FOXP2: variants seen among roughly 807,000 people sequenced by gnomAD.
The protein encoded by FOXP2 is forkhead box P2.
Under a neutral mutation model 115.8 loss-of-function variants are expected in FOXP2, and 12 were observed. That is an observed-to-expected ratio of 0.10 (90% CI 0.07 to 0.17). The LOEUF (loss-of-function observed/expected upper bound fraction) is 0.17, where lower values mean the gene tolerates loss of function less well. Ranked by LOEUF, FOXP2 falls within the 10% of genes least tolerant of loss-of-function variation. The probability of loss-of-function intolerance (pLI) is 1.00; values close to 1 mark genes in which losing one functional copy is unlikely to be tolerated. For missense variants in FOXP2, 629 were observed against 843.5 expected (o/e 0.75, Z 3.15); for synonymous variants, 328 against 297.7 (o/e 1.10, Z -1.05).
intron 3 of FOXP2, among the ~76,000 whole-genome samples, chr7:114,607,761 G>T (rs1048714949): frequency 2.0e-5 from 3 of 151,942 alleles, no homozygotes; most frequent in African/African-American, 7.3e-5. Flanking sequence ...TGTTTGGGAA[G>T]AAATCAAAAC....
chr7:114,232,044 A>G (rs1486649706), intron 1 of FOXP2, among the ~76,000 whole-genome samples: 1 of 152,214 alleles, frequency 6.6e-6, no homozygotes, highest in Non-Finnish European at 1.5e-5. Flanking sequence ...AAAAATGGGC[A>G]AAGGACTTGA....
At chr7:114,328,468 C>G (rs1305149005) in intron 2 of FOXP2, among the ~76,000 whole-genome samples, 1 of 151,666 alleles carries the variant, frequency 6.6e-6, no homozygotes, top group Non-Finnish European at 1.5e-5. Context: ...TTTCTCCTGA[C>G]CTCGTGATCC....
Position 114,691,589 on chromosome 7 carries a change from G to A in FOXP2, c.*1663G>A. The A allele has an allele frequency of 2.2e-6, 1 of 453,994 alleles. No homozygotes were observed. Among genetic ancestry groups the A allele is most frequent in the Non-Finnish European group, 4.4e-6 (1 of 226,744 alleles). 28.1% of individuals were successfully genotyped at this position (453,994 alleles called of 1,614,324 possible). On this transcript the variant is annotated 3_prime_UTR_variant, in exon 17 of 17. Coordinates refer to ENST00000350908, the MANE Select transcript of FOXP2 (RefSeq NM_014491.4). ...GTAGTTGAAAATAGCATAGTCAGAT[G>A]TTTGCTTAAAACCTAGAAACTTAAC... is the stretch of plus-strand genomic sequence containing the variant.
At chr7:114,568,313 A>G (rs1256762778) in intron 3 of FOXP2, among the ~76,000 whole-genome samples, 1 of 151,944 alleles carries the variant, frequency 6.6e-6, no homozygotes, top group Non-Finnish European at 1.5e-5. Context: ...TGGTTGATAA[A>G]AATAAGATAT....
chr7:114,197,500 G>T (rs1055088511), intron 1 of FOXP2, among the ~76,000 whole-genome samples: 74 of 152,108 alleles, frequency 4.9e-4, no homozygotes, highest in African/African-American at 1.8e-3. Context: ...TCACCCTCAT[G>T]ACCTCATCTA....
intron 2 of FOXP2, among the ~76,000 whole-genome samples, chr7:114,301,460 C>A (rs1796877857): frequency 6.6e-6 from 1 of 152,042 alleles, no homozygotes; most frequent in Non-Finnish European, 1.5e-5. Flanking sequence ...ATTGTTGTTA[C>A]ACTCAAAAAT....
At chr7:114,239,969 C>G (rs1262830864) in intron 1 of FOXP2, among the ~76,000 whole-genome samples, 1 of 152,088 alleles carries the variant, frequency 6.6e-6, no homozygotes, top group African/African-American at 2.4e-5. Flanking sequence ...CCTGTTTTAT[C>G]AAATATGGGC....
chr7:114,601,823 T>C (rs1340982044), intron 3 of FOXP2, among the ~76,000 whole-genome samples: 1 of 152,124 alleles, frequency 6.6e-6, no homozygotes, highest in Non-Finnish European at 1.5e-5. Flanking sequence ...CATCAGTGAT[T>C]TCAAGCCTTT....
chr7:114,151,354 T>C (rs1056437054), intron 1 of FOXP2, among the ~76,000 whole-genome samples: 10 of 152,094 alleles, frequency 6.6e-5, no homozygotes, highest in African/African-American at 2.4e-4. Context: ...TATATTTCAC[T>C]CAAATTTTCA....
chr7:114,176,670 T>G (rs1416025501), intron 1 of FOXP2, among the ~76,000 whole-genome samples: 1 of 144,736 alleles, frequency 6.9e-6, no homozygotes, highest in African/African-American at 2.6e-5. Context: ...TTAGGTTGTT[T>G]TTTTTTTTTT....
chr7:114,614,516 TTATTGG>T (rs1803820900), intron 3 of FOXP2, among the ~76,000 whole-genome samples: 1 of 152,190 alleles, frequency 6.6e-6, no homozygotes, highest in Non-Finnish European at 1.5e-5. Context: ...CATAGTTAAA[TTATTGG>T]TATTTTCTTT....
chr7:114,545,182 A>G (rs1025582913), intron 3 of FOXP2, among the ~76,000 whole-genome samples: 5 of 152,170 alleles, frequency 3.3e-5, no homozygotes, highest in East Asian at 1.9e-4. Context: ...TTCTATTAAT[A>G]TACTATATGA....
intron 2 of FOXP2, among the ~76,000 whole-genome samples, chr7:114,435,906 G>A (rs985500904): frequency 6.6e-6 from 1 of 152,156 alleles, no homozygotes; most frequent in Non-Finnish European, 1.5e-5. Context: ...AGTGGAAAAT[G>A]ATGGCAGATT....
intron 1 of FOXP2, among the ~76,000 whole-genome samples, chr7:114,270,622 G>C (rs959282944): frequency 6.6e-6 from 1 of 152,110 alleles, no homozygotes; most frequent in Admixed American, 6.6e-5. Flanking sequence ...CTTTGTTGAA[G>C]TGTCTGTTAA....
At chr7:114,291,921 T>TAGATAATATATAGAATATATATTAG in intron 2 of FOXP2, among the ~76,000 whole-genome samples, 1 of 141,860 alleles carries the variant, frequency 7.0e-6, no homozygotes, top group Non-Finnish European at 1.5e-5. Context: ...ATATATATTA[T>TAGATAATATATAGAATATATATTAG]AGATAATATA....
intron 3 of FOXP2, among the ~76,000 whole-genome samples, chr7:114,602,370 T>C (rs1803076921): frequency 6.6e-6 from 1 of 152,090 alleles, no homozygotes. Context: ...TGTGTCTTTA[T>C]ATTTAACTTG....
chr7:114,462,450 C>A (rs1184985526), intron 2 of FOXP2, among the ~76,000 whole-genome samples: 1 of 141,284 alleles, frequency 7.1e-6, no homozygotes, highest in Non-Finnish European at 1.5e-5. Flanking sequence ...CGGCTCACTG[C>A]AACCTCCGCC....
At chr7:114,228,198 T>C (rs1403045684) in intron 1 of FOXP2, among the ~76,000 whole-genome samples, 1 of 151,998 alleles carries the variant, frequency 6.6e-6, no homozygotes, top group Admixed American at 6.6e-5. Context: ...CTTTCCAAAA[T>C]GGACTAGACA....
intron 1 of FOXP2, among the ~76,000 whole-genome samples, chr7:114,179,963 C>T (rs910213846): frequency 4.6e-5 from 7 of 151,872 alleles, no homozygotes; most frequent in African/African-American, 1.7e-4. Context: ...GACCAGTCTC[C>T]TTTTCTACAA....
Sources: gnomAD v4.1 joint callset for allele counts (sites outside exome capture counted in the v4.1 genomes callset) on GRCh38, gnomAD v4.1.1 for gene constraint, MANE v1.5 for transcripts, NCBI Gene and HGNC (gene_info 2026-07-23, HGNC 2026-07-21) for gene names.